The following DNAH7 variants were observed in gnomAD, a reference collection of about 807,000 sequenced individuals.
DNAH7 encodes the protein dynein axonemal heavy chain 7, also known as axonemal beta dynein heavy chain 7.
Under a neutral mutation model 444.6 loss-of-function variants are expected in DNAH7, and 397 were observed. The observed-to-expected ratio is 0.89, with a 90% CI of 0.82 to 0.97. DNAH7 has a LOEUF of 0.97. DNAH7 is among the 50% of genes least tolerant of loss of function. DNAH7 has a pLI of 0.00. For missense variants in DNAH7, 4,902 were observed against 4,800.8 expected, an observed-to-expected ratio of 1.02 and a Z score of -0.62; for synonymous variants, 1,636 against 1,624.4, an observed-to-expected ratio of 1.01 and a Z score of -0.17.
intron 19 of DNAH7, among the ~76,000 whole-genome samples, chr2:195,940,756 C>T (rs113350994): frequency 6.6e-6 from 1 of 151,740 alleles, no homozygotes; most frequent in African/African-American, 2.4e-5. Flanking sequence ...ATGTGGCCAA[C>T]AAACCTATGA....
Position 195,756,165 on chromosome 2 carries a change from T to C in DNAH7, c.11554A>G (p.Asn3852Asp). 6.2e-7 allele frequency: 1 copy of C among 1,608,068 alleles called. No individual in the cohort carries two copies. Among genetic ancestry groups the C allele is most frequent in the African/African-American group, 1.3e-5 (1 of 74,868 alleles). ...PSLKPLGSYVNDFLARLKFLQ... is the reference protein window; with the variant it reads ...PSLKPLGSYVDDFLARLKFLQ... ...AATTTTAGTCTTGCAAGGAAGTCAT[T>C]CACATAGCTGCCAAGTGGTTTAAGG... The change falls in exon 62 of 65, where the codon AAT (asparagine) becomes GAT (aspartate). Residue 3852 changes from asparagine (N) to aspartate (D), a missense_variant. Asn to Asp is a conservative substitution (Grantham distance 23). Coordinates refer to ENST00000312428, the MANE Select transcript of DNAH7 (RefSeq NM_018897.3).
chr2:195,847,129 T>TCTTATATATATATCAGATATATAC (rs1305510119), intron 46 of DNAH7, among the ~76,000 whole-genome samples: 7 of 146,958 alleles, frequency 4.8e-5, no homozygotes, highest in African/African-American at 1.8e-4. Context: ...GATATATATA[T>TCTTATATATATATCAGATATATAC]ATCTTATATA....
chr2:195,929,432 A>AG lies in DNAH7; in HGVS notation c.3472-2867dup, dbSNP rs1468718973. Among the ~76,000 whole-genome samples the AG allele has an allele frequency of 2.0e-5, 3 of 152,332 alleles. No homozygotes were observed. The East Asian group carries it at 5.8e-4, about 29-fold the overall frequency. The stretch of plus-strand genomic sequence containing the variant: ...ACAGCCAAAGAAATTCTAAGCAAAA[A>AG]GAACAAAGCCAGAAGCATTACATTA... On this transcript the variant is annotated intron_variant, in intron 21 of 64. Transcript: ENST00000312428.
intron 2 of DNAH7, among the ~76,000 whole-genome samples, chr2:196,053,056 C>T (rs559713440): frequency 6.6e-6 from 1 of 151,932 alleles, no homozygotes; most frequent in South Asian, 2.1e-4. Context: ...TATTTCAGAA[C>T]AGATCTATAA....
intron 1 of DNAH7, among the ~76,000 whole-genome samples, chr2:196,058,503 A>G (rs1299930290): frequency 6.6e-6 from 1 of 152,222 alleles, no homozygotes; most frequent in African/African-American, 2.4e-5. Context: ...CCCTTATAAT[A>G]AAACAGTAAT....
chr2:196,058,338 T>C (rs1159165867), intron 1 of DNAH7, among the ~76,000 whole-genome samples: 2 of 152,168 alleles, frequency 1.3e-5, no homozygotes, highest in African/African-American at 2.4e-5. Flanking sequence ...GGTTGCAGGA[T>C]ACAAGATCAA....
intron 12 of DNAH7, chr2:195,999,332 C>T: frequency 9.2e-6 from 6 of 653,338 alleles, no homozygotes; most frequent in South Asian, 7.1e-5. Flanking sequence ...ATTCGCACAA[C>T]CAGTATTGTC....
chr2:195,928,426 A>C (rs1302932578), intron 21 of DNAH7, among the ~76,000 whole-genome samples: 1 of 152,170 alleles, frequency 6.6e-6, no homozygotes, highest in Non-Finnish European at 1.5e-5. Context: ...ATACTACATA[A>C]ATTAGCAAAT....
intron 63 of DNAH7, among the ~76,000 whole-genome samples, chr2:195,744,338 C>G (rs983490687): frequency 1.3e-5 from 2 of 152,214 alleles, no homozygotes; most frequent in Non-Finnish European, 2.9e-5. Context: ...CCCAGGCTTG[C>G]CTAGGTAAAC....
In DNAH7 at chr2:195,737,843, A is replaced by G; in HGVS notation, c.*78T>C. 2 of 1,303,914 alleles carry G rather than the reference A, an allele frequency of 1.5e-6. No individual in the cohort carries two copies. Among genetic ancestry groups the G allele is most frequent in the Non-Finnish European group, 1.1e-6 (1 of 946,148 alleles). 80.8% of individuals were successfully genotyped at this position (1,303,914 alleles called of 1,614,324 possible). On this transcript the variant is annotated 3_prime_UTR_variant, in exon 65 of 65. Transcript: ENST00000312428. ...AAATGTATTTAAACAAACAAAAAAA[A>G]AGGTTTAAGTAGTAAAATATGCTTT...
intron 63 of DNAH7, among the ~76,000 whole-genome samples, chr2:195,748,642 A>T (rs1323608542): frequency 6.6e-6 from 1 of 152,222 alleles, no homozygotes; most frequent in Non-Finnish European, 1.5e-5. Context: ...ACAGAGATAG[A>T]GACCAATGGA....
At chr2:195,751,381 G>A (rs568310283) in intron 63 of DNAH7, among the ~76,000 whole-genome samples, 217 of 152,114 alleles carry the variant, frequency 1.4e-3, no homozygotes, top group African/African-American at 4.7e-3. Context: ...AGTGGATTCC[G>A]GTAGCATAAT....
At chr2:195,785,296 G>A (rs1188703244) in intron 58 of DNAH7, among the ~76,000 whole-genome samples, 3 of 152,026 alleles carry the variant, frequency 2.0e-5, no homozygotes, top group Non-Finnish European at 4.4e-5. Context: ...TCCTTTTTCG[G>A]ATACGTCTTT....
rs545940362 is a variant in DNAH7 at position 195,787,396 on chromosome 2, C to G, written c.10717-225G>C. On this transcript the variant is annotated intron_variant, in intron 57 of 64. Coordinates refer to ENST00000312428, the MANE Select transcript of DNAH7 (RefSeq NM_018897.3). ...ATAGCTATGCACACATAGCTGTGTA[C>G]CCCAGGTTTTTAGGAAGCATGGGAG... Among the ~76,000 whole-genome samples the G allele has an allele frequency of 2.0e-5, 3 of 152,192 alleles. No homozygotes were observed. In the South Asian group the frequency reaches 6.2e-4, roughly 32 times the overall value.
intron 30 of DNAH7, 61 bp downstream of exon 30, chr2:195,894,915 G>T: frequency 2.2e-6 from 3 of 1,378,794 alleles, no homozygotes; most frequent in South Asian, 1.9e-5. Context: ...TAAAATAATG[G>T]TACATTCTAC....
intron 61 of DNAH7, among the ~76,000 whole-genome samples, chr2:195,771,372 G>A (rs1275346166): frequency 1.3e-5 from 2 of 151,774 alleles, no homozygotes; most frequent in African/African-American, 2.4e-5. Flanking sequence ...GAAAAAATGT[G>A]CTTTATGAAG....
Position 195,894,879 on chromosome 2 carries a change from T to G in DNAH7, c.4896+97A>C, listed in dbSNP as rs563092392. 5.1e-6 allele frequency: 6 copies of G among 1,186,816 alleles called. No individual in the cohort carries two copies. The South Asian group carries it at 1.0e-4, about 21-fold the overall frequency. 73.5% of individuals were successfully genotyped at this position (1,186,816 alleles called of 1,614,324 possible). ...CTTTGACTCATTTTTCTCATGATTT[T>G]AAGTTGCCACATTGAATGCATCTTT... On this transcript the variant is annotated intron_variant, in intron 30 of 64. Coordinates refer to ENST00000312428, the MANE Select transcript of DNAH7 (RefSeq NM_018897.3).
Position 196,068,677 on chromosome 2 carries a change from G to T in DNAH7, c.15+20C>A. On this transcript the variant is annotated intron_variant, in intron 1 of 64. Transcript: ENST00000312428. ...AAGCGTCGCGGCGGCGGCGAGCCTG[G>T]CAAAGAGCAGCCCTCTCACCTGCTC... The T allele has an allele frequency of 6.4e-7, 1 of 1,550,610 alleles. No homozygotes were observed. The highest frequency in any genetic ancestry group is 8.7e-7 in the Non-Finnish European group (1 of 1,146,820).
intron 36 of DNAH7, among the ~76,000 whole-genome samples, chr2:195,877,314 T>C (rs1244127340): frequency 6.6e-6 from 1 of 152,204 alleles, no homozygotes; most frequent in East Asian, 1.9e-4. Context: ...TAAGGACCAA[T>C]TTATTAGAAA....
Sources: allele counts gnomAD v4.1 joint callset (sites outside exome capture counted in the v4.1 genomes callset), GRCh38; gene constraint gnomAD v4.1.1; transcripts MANE v1.5; gene names NCBI Gene and HGNC (gene_info 2026-07-23, HGNC 2026-07-21).